Variants in ARHGAP17 observed in about 807,000 individuals in gnomAD.
ARHGAP17 encodes rho GTPase-activating protein 17.
A neutral mutation model predicts 99.5 loss-of-function variants in ARHGAP17; 57 were observed. That is an observed-to-expected ratio of 0.57 (90% CI 0.46 to 0.71). The LOEUF is 0.71. Among genes scored for constraint, ARHGAP17 ranks in the 30% least tolerant of loss-of-function variants. The pLI is 0.00. For synonymous variants in ARHGAP17, 417 were observed against 429.6 expected, an observed-to-expected ratio of 0.97 and a Z score of 0.36; for missense variants, 1,000 against 1,122.4, an observed-to-expected ratio of 0.89 and a Z score of 1.56.
intron 9 of ARHGAP17, 31 bp downstream of exon 9, chr16:24,959,640 G>A: frequency 6.2e-7 from 1 of 1,605,906 alleles, no homozygotes; most frequent in Admixed American, 1.7e-5. Context: ...GAGGCAAGAA[G>A]GAAGCATCAG....
chr16:24,978,939 C>A (rs1368052844), intron 2 of ARHGAP17, 27 bp downstream of exon 2: 1 of 1,523,292 alleles, frequency 6.6e-7, no homozygotes, highest in Non-Finnish European at 8.9e-7. Context: ...TTAAACAGAT[C>A]ATTTAAAGGA....
chr16:24,935,512 G>T lies in ARHGAP17; in HGVS notation c.1852C>A (p.Pro618Thr). ...GGGCTGGGCCCTGCAGCATTGTGAG[G>T]TTGGCCCATGGAGAGCTGGTGGGAG... The part of the protein sequence containing the change: ...AGSHQLSMGQ[P>T]HNAAGPSPHT... The change falls in exon 18 of 20, where the codon CCT becomes ACT. Residue 618 changes from proline (P) to threonine (T), a missense_variant. Around this residue, in one of 2 missense-constraint regions of ARHGAP17, gnomAD observed 528 missense variants for 511.4 expected, o/e 1.03. Coordinates refer to ENST00000289968, the MANE Select transcript of ARHGAP17 (RefSeq NM_001006634.3). The T allele has an allele frequency of 1.9e-6, 3 of 1,612,466 alleles. No individual in the cohort carries two copies. Among genetic ancestry groups the T allele is most frequent in the Non-Finnish European group, 2.5e-6 (3 of 1,179,408 alleles).
At chr16:25,000,086 G>A (rs1442963861) in intron 1 of ARHGAP17, among the ~76,000 whole-genome samples, 1 of 152,206 alleles carries the variant, frequency 6.6e-6, no homozygotes, top group Non-Finnish European at 1.5e-5. Context: ...AAACAGTACA[G>A]ACAGGATCTC....
chr16:25,015,369 C>T lies in ARHGAP17; in HGVS notation c.-108G>A, dbSNP rs1233107838. On this transcript the variant is annotated 5_prime_UTR_variant, in exon 1 of 20. Transcript: ENST00000289968. ...CCCAAACGGCGGCGCGGCGGTGGCT[C>T]CCCGGGCCGGCGGCCCCGCCCTCGC... 1.3e-5 allele frequency: 14 copies of T among 1,071,392 alleles called. No individual in the cohort carries two copies. Among genetic ancestry groups the T allele is most frequent in the Non-Finnish European group, 1.6e-5 (14 of 848,802 alleles). 66.4% of individuals were successfully genotyped at this position (1,071,392 alleles called of 1,614,324 possible). A position where few individuals can be genotyped will look rare whatever the true frequency, so the allele number is the denominator to read the frequency against.
intron 1 of ARHGAP17, among the ~76,000 whole-genome samples, chr16:25,013,693 G>T (rs2053704862): frequency 6.6e-6 from 1 of 151,938 alleles, no homozygotes; most frequent in African/African-American, 2.4e-5. Context: ...TAAATAGCTT[G>T]GTAGATTTAA....
At position 25,015,185 on chromosome 16, in the gene ARHGAP17, C is replaced by T. The variant is rs879840493; in HGVS notation, c.53+24G>A. 7 of 1,295,788 alleles carry T rather than the reference C, an allele frequency of 5.4e-6. No homozygotes were observed. The East Asian group carries it at 2.3e-4, about 42-fold the overall frequency. 80.3% of individuals were successfully genotyped at this position (1,295,788 alleles called of 1,614,324 possible). ...CCTCCGCCCCCAGCCCCGGTGCGAC[C>T]CCCGTGCTGCCCGGCGCACTCGCCT... On this transcript the variant is annotated intron_variant, in intron 1 of 19. Transcript: ENST00000289968.
At chr16:24,963,446 T>C (rs1439447868) in intron 7 of ARHGAP17, among the ~76,000 whole-genome samples, 1 of 152,098 alleles carries the variant, frequency 6.6e-6, no homozygotes, top group African/African-American at 2.4e-5. Flanking sequence ...AGTCTTAATA[T>C]TAGCAGGAAA....
At chr16:24,987,512 A>G (rs527818186) in intron 1 of ARHGAP17, among the ~76,000 whole-genome samples, 7 of 152,168 alleles carry the variant, frequency 4.6e-5, no homozygotes, top group Non-Finnish European at 1.0e-4. Context: ...TCAGAGGTTG[A>G]GAGACGCTGG....
chr16:24,974,990 A>C (rs2052472355), intron 3 of ARHGAP17, among the ~76,000 whole-genome samples: 1 of 152,038 alleles, frequency 6.6e-6, no homozygotes, highest in African/African-American at 2.4e-5. Context: ...TACTACGAAA[A>C]AAACAAACAA....
At chr16:24,978,886 G>C (rs1338020114) in intron 2 of ARHGAP17, 80 bp downstream of exon 2, 22 of 660,592 alleles carry the variant, frequency 3.3e-5, no homozygotes, top group East Asian at 1.2e-4. Flanking sequence ...AAAAAAAAAA[G>C]CCCACAGGCC....
At chr16:24,986,115 G>C (rs965440452) in intron 1 of ARHGAP17, among the ~76,000 whole-genome samples, 3 of 152,156 alleles carry the variant, frequency 2.0e-5, no homozygotes. Context: ...AAGGCTGTAG[G>C]GATCTACTTG....
In ARHGAP17 at chr16:25,013,380, TG is replaced by T. The variant is rs538256696; in HGVS notation, c.53+1828del. 5.9e-5 allele frequency among the ~76,000 whole-genome samples: 9 copies of T among 152,262 alleles called. No homozygotes were observed. The South Asian group carries it at 1.9e-3, about 32-fold the overall frequency. On this transcript the variant is annotated intron_variant, in intron 1 of 19. Coordinates refer to ENST00000289968, the MANE Select transcript of ARHGAP17 (RefSeq NM_001006634.3). ...GCTCACGCTTGTAGTCCCAGAACTT[TG>T]GGAGGCCAAGGCAGGCAGATCAGTT...
chr16:25,006,421 G>C (rs182475550), intron 1 of ARHGAP17, among the ~76,000 whole-genome samples: 10 of 143,834 alleles, frequency 7.0e-5, no homozygotes, highest in African/African-American at 2.4e-4. Flanking sequence ...CTGCACTCCA[G>C]ACTGAGTGAC....
chr16:24,977,604 G>A, intron 2 of ARHGAP17: 1 of 300,754 alleles, frequency 3.3e-6, no homozygotes, highest in East Asian at 5.6e-5. Context: ...TGGCAACTGA[G>A]CCTTCCACAC....
At chr16:24,936,516 G>C (rs185083077) in intron 17 of ARHGAP17, 2 of 151,034 alleles carry the variant, frequency 1.3e-5, no homozygotes, top group African/African-American at 5.0e-5. Context: ...GACCAGCCTG[G>C]CCAACAAGGT....
chr16:24,929,909 T>C (rs1404143113), intron 19 of ARHGAP17, among the ~76,000 whole-genome samples: 1 of 152,198 alleles, frequency 6.6e-6, no homozygotes, highest in East Asian at 1.9e-4. Flanking sequence ...GTATTTCAGC[T>C]TCTTTTCCGA....
intron 1 of ARHGAP17, among the ~76,000 whole-genome samples, chr16:25,004,886 G>C (rs1421040980): frequency 6.6e-6 from 1 of 152,212 alleles, no homozygotes; most frequent in East Asian, 1.9e-4. Flanking sequence ...AGGAAACACA[G>C]TCTCACAAGA....
intron 1 of ARHGAP17, among the ~76,000 whole-genome samples, chr16:24,987,499 A>T (rs1440296387): frequency 1.3e-5 from 2 of 152,156 alleles, no homozygotes; most frequent in African/African-American, 4.8e-5. Context: ...CCCAACTTGC[A>T]TTTCAGAGGT....
At chr16:24,932,070 C>T (rs1181964019) in intron 18 of ARHGAP17, among the ~76,000 whole-genome samples, 1 of 148,270 alleles carries the variant, frequency 6.7e-6, no homozygotes. Context: ...GTGATCACAC[C>T]ACTGAATTCC....
Sources: gnomAD v4.1 joint callset for allele counts (sites outside exome capture counted in the v4.1 genomes callset) on GRCh38, gnomAD v4.1.1 for gene constraint, gnomAD v4.1.1 regional missense constraint, MANE v1.5 for transcripts, NCBI Gene and HGNC (gene_info 2026-07-23, HGNC 2026-07-21) for gene names.